The following ATN1 variants were observed in gnomAD, a reference collection of about 807,000 sequenced individuals.
The protein encoded by ATN1 is atrophin 1, also known as atrophin-1.
A neutral mutation model predicts 85.8 loss-of-function variants in ATN1; 19 were observed. That is an observed-to-expected ratio of 0.22 (90% CI 0.15 to 0.32). The LOEUF (loss-of-function observed/expected upper bound fraction) is 0.32. Among genes scored for constraint, ATN1 ranks in the 10% least tolerant of loss-of-function variants. ATN1 has a pLI of 1.00. For synonymous variants in ATN1, 674 were observed against 657.0 expected (o/e 1.03, Z -0.39); for missense variants, 1,453 against 1,564.5 (o/e 0.93, Z 1.20).
At chr12:6,928,718 T>A (rs1173539273) in intron 1 of ATN1, among the ~76,000 whole-genome samples, 2 of 151,736 alleles carry the variant, frequency 1.3e-5, no homozygotes, top group Admixed American at 1.3e-4. Flanking sequence ...GAGGCCGGGG[T>A]TGGCGGAGGA....
chr12:6,936,027 C>A lies in ATN1; in HGVS notation c.760C>A (p.Pro254Thr). 6.3e-7 allele frequency: 1 copy of A among 1,580,924 alleles called. No homozygotes were observed. The stretch of plus-strand genomic sequence containing the variant: ...GGGCCCTAATGGGGGTAAGCAGCAC[C>A]CCCCACCCACTACTCCCATTTCAGT... ...VGGPNGGKQH[P>T]PPTTPISVSS... is the part of the protein sequence containing the mutation. The change falls in exon 5 of 10, where the codon CCC becomes ACC. Residue 254 changes from proline to threonine, a missense_variant. Coordinates refer to ENST00000396684, the MANE Select transcript of ATN1 (RefSeq NM_001940.4).
upstream of ATN1, among the ~76,000 whole-genome samples, chr12:6,925,547 C>T (rs1049431556): frequency 1.4e-4 from 22 of 152,102 alleles, no homozygotes; most frequent in African/African-American, 4.8e-4. Flanking sequence ...CTGGCCTGGT[C>T]TCAGGGAGGC....
In ATN1 at chr12:6,938,684, C is replaced by T; in HGVS notation, c.2721C>T (p.Pro907=). 6.2e-7 allele frequency: 1 copy of T among 1,614,170 alleles called. No individual in the cohort carries two copies. Among genetic ancestry groups the T allele is most frequent in the South Asian group, 1.1e-5 (1 of 91,086 alleles). Residue 907 remains proline, a synonymous_variant, in exon 7 of 10, where the codon CCC becomes CCT. Coordinates refer to ENST00000396684, the MANE Select transcript of ATN1 (RefSeq NM_001940.4). ...PGNRNHPFYV[P]LGAVDPGLLG... ...ATCGCAACCATCCATTCTACGTGCC[C>T]CTGGGGGCAGTGGACCCGGGGCTCC...
At chr12:6,938,434 CT>C (rs1214882985) in intron 6 of ATN1, 46 bp from the exon 7 acceptor site, 1 of 1,552,988 alleles carries the variant, frequency 6.4e-7, no homozygotes, top group Non-Finnish European at 8.7e-7. Flanking sequence ...CCAGCCACCT[CT>C]TTTCATAACT....
At chr12:6,932,752 G>T (rs1555143171) in intron 1 of ATN1, among the ~76,000 whole-genome samples, 2 of 152,168 alleles carry the variant, frequency 1.3e-5, no homozygotes, top group Non-Finnish European at 1.5e-5. Context: ...CTAGAGAATG[G>T]GTCCTTTATG....
chr12:6,926,094 C>T (rs782313166), upstream of ATN1, among the ~76,000 whole-genome samples: 9 of 152,084 alleles, frequency 5.9e-5, no homozygotes, highest in East Asian at 1.9e-4. Context: ...GCTGGCTTCA[C>T]GGCCGGGAGC....
At position 6,934,693 on chromosome 12, in the gene ATN1, C is replaced by T. The variant is rs141504678; in HGVS notation, c.279+115C>T. The stretch of plus-strand genomic sequence containing the variant: ...CTGGGACATAAGAGAAAGGCCAGAT[C>T]ATAGTGCTTATGAGAGCAGTTCTGT... On this transcript the variant is annotated intron_variant, in intron 4 of 9. Transcript: ENST00000396684. The surrounding 1 kb of genome is among the most constrained non-coding windows in gnomAD (Gnocchi z 4.5). 6.1e-4 allele frequency: 471 copies of T among 769,100 alleles called. 4 individuals are homozygous for T. The East Asian group carries it at 0.013, about 21-fold the overall frequency. 47.6% of individuals were successfully genotyped at this position (769,100 alleles called of 1,614,324 possible).
intron 6 of ATN1, 80 bp from the exon 7 acceptor site, chr12:6,938,401 C>T: frequency 6.8e-7 from 1 of 1,477,238 alleles, no homozygotes; most frequent in Non-Finnish European, 9.0e-7. Flanking sequence ...ATTCGGCTGT[C>T]GAAACAAATG....
chr12:6,929,240 C>T (rs1555142866), intron 1 of ATN1, among the ~76,000 whole-genome samples: 1 of 152,108 alleles, frequency 6.6e-6, no homozygotes, highest in African/African-American at 2.4e-5. Flanking sequence ...ACAGGCACTC[C>T]AGGCAAGTTG....
rs782524107 is a variant in ATN1, at chr12:6,936,417, G to A, written c.1150G>A (p.Ala384Thr). Residue 384 changes from alanine to threonine, a missense_variant, in exon 5 of 10, where the codon GCA becomes ACA. By Grantham distance (58) the Ala-to-Thr change is moderately conservative (BLOSUM62 0). This residue lies in a region of ATN1 where 990 missense variants were observed against 914.8 expected (regional missense o/e 1.08). Transcript: ENST00000396684. Reference protein sequence around the residue: ...PYSSSSSSSAAASSSSSSSSS... With the variant: ...PYSSSSSSSATASSSSSSSSS... Reference sequence around the variant, plus strand: ...TTCATCCTCTAGTAGTAGCTCTGCAGCAGCCTCCTCTTCCAGTTCTTCCTC... The same window carrying A: ...TTCATCCTCTAGTAGTAGCTCTGCAACAGCCTCCTCTTCCAGTTCTTCCTC... The A allele has an allele frequency of 6.2e-6, 10 of 1,612,926 alleles. No homozygotes were observed. Among genetic ancestry groups the A allele is most frequent in the Non-Finnish European group, 8.5e-6 (10 of 1,179,856 alleles).
In ATN1 at chr12:6,927,980, C is replaced by G. The variant is rs868915081; in HGVS notation, c.-567C>G. On this transcript the variant is annotated 5_prime_UTR_variant, in exon 1 of 10. Coordinates refer to ENST00000396684, the MANE Select transcript of ATN1 (RefSeq NM_001940.4). Reference sequence around the variant, plus strand: ...CCGCGGGCGAGGCGGCCGAGGGGCCCGGGATCGCGCGGGTGCGGGCTGCGC... The same window carrying G: ...CCGCGGGCGAGGCGGCCGAGGGGCCGGGGATCGCGCGGGTGCGGGCTGCGC... Among the ~76,000 whole-genome samples the G allele has an allele frequency of 6.9e-6, 1 of 145,074 alleles. No individual in the cohort carries two copies. The highest frequency in any genetic ancestry group is 2.5e-5 in the African/African-American group (1 of 39,884).
rs1219695611 is a variant in ATN1, at chr12:6,941,644, G to A, written c.3539+90G>A. 4 of 1,594,514 alleles carry A rather than the reference G, an allele frequency of 2.5e-6. No individual in the cohort carries two copies. The highest frequency in any genetic ancestry group is 3.4e-6 in the Non-Finnish European group (4 of 1,163,178). Reference sequence around the variant, plus strand: ...GGTACGGCTGGGCACCGTGCTCCTGGGGGAGGGAACCCCTCCTCTCCCAAC... The same window carrying A: ...GGTACGGCTGGGCACCGTGCTCCTGAGGGAGGGAACCCCTCCTCTCCCAAC... On this transcript the variant is annotated intron_variant, in intron 9 of 9. Transcript: ENST00000396684. The surrounding 1 kb of genome is among the most constrained non-coding windows in gnomAD (Gnocchi z 5.9).
At chr12:6,938,142 G>T (rs1445373952) in intron 6 of ATN1, 75 bp downstream of exon 6, 1 of 1,466,048 alleles carries the variant, frequency 6.8e-7, no homozygotes, top group Non-Finnish European at 9.0e-7. Flanking sequence ...GCTGCGCTAC[G>T]CTACGCTGCG....
upstream of ATN1, among the ~76,000 whole-genome samples, chr12:6,925,974 T>G (rs1945395260): frequency 6.6e-6 from 1 of 152,140 alleles, no homozygotes; most frequent in Admixed American, 6.5e-5. Context: ...GCCTTCCCAA[T>G]TTCTGCTGCC....
rs1945576749 is a variant in ATN1 at position 6,938,048 on chromosome 12, G to A, written c.2498G>A (p.Arg833His). The A allele has an allele frequency of 1.3e-6, 2 of 1,546,066 alleles. No homozygotes were observed. The highest frequency in any genetic ancestry group is 2.0e-5 in the Admixed American group (1 of 50,648). Residue 833 changes from arginine (R) to histidine (H), a missense_variant, in exon 6 of 10, where the codon CGC becomes CAC. Arg to His is a conservative substitution (Grantham distance 29, BLOSUM62 0). Transcript: ENST00000396684. The stretch of plus-strand genomic sequence containing the variant: ...AAAGAGCGCGAGCGCGAGAAGGAGC[G>A]CGAGCTTGAACGCAGCGTGGTGAGT... ...REKEREREKE[R>H]ELERSVKLAQ...
Position 6,937,582 on chromosome 12 carries a change from G to C in ATN1, c.2294+21G>C, listed in dbSNP as rs12426246. 220,930 of 1,474,224 alleles carry C rather than the reference G, an allele frequency of 0.15. 18,357 individuals are homozygous for C. Among genetic ancestry groups the C allele is most frequent in the Admixed American group, 0.31 (11,797 of 38,044 alleles). The allele number at this position is 1,474,224 out of a possible 1,614,324, so 91.3% of individuals were successfully genotyped here. On this transcript the variant is annotated intron_variant, in intron 5 of 9. Transcript: ENST00000396684. This position sits in a 1 kb window ranked among gnomAD's most constrained non-coding sequence, Gnocchi z 6.0. ...GCCAGGTGAGCGGCCAGGTGGGGCG[G>C]AGGTGGGCCTGGAAAGGGGACGACG...
Position 6,938,526 on chromosome 12 carries a change from G to A in ATN1, c.2563G>A (p.Gly855Ser), listed in dbSNP as rs1434293517. ...TGCTCCGGTGGAATGCCCATCTCTG[G>A]GCCCAGTGCCCCATCGCCCTCCATT... is the stretch of plus-strand genomic sequence containing the variant. ...GRAPVECPSL[G>S]PVPHRPPFEP... The change falls in exon 7 of 10, where the codon GGC becomes AGC. Residue 855 changes from glycine to serine, a missense_variant. By Grantham distance (56) the Gly-to-Ser change is moderately conservative. Around this residue, in one of 6 missense-constraint regions of ATN1, gnomAD observed 208 missense variants for 263.4 expected, o/e 0.79. Coordinates refer to ENST00000396684, the MANE Select transcript of ATN1 (RefSeq NM_001940.4). 6.2e-7 allele frequency: 1 copy of A among 1,613,564 alleles called. No homozygotes were observed. The highest frequency in any genetic ancestry group is 8.5e-7 in the Non-Finnish European group (1 of 1,179,616).
chr12:6,934,280 T>C lies in ATN1; in HGVS notation c.132T>C (p.Asp44=), dbSNP rs1945502736. The C allele has an allele frequency of 1.9e-6, 3 of 1,574,302 alleles. No homozygotes were observed. Among genetic ancestry groups the C allele is most frequent in the African/African-American group, 2.8e-5 (2 of 72,284 alleles). The change falls in exon 3 of 10, where the codon GAT becomes GAC. Residue 44 remains aspartate (D), a synonymous_variant. Transcript: ENST00000396684. The surrounding 1 kb of genome is among the most constrained non-coding windows in gnomAD (Gnocchi z 4.5). The stretch of plus-strand genomic sequence containing the variant: ...GAGGGGTCAGCACGTCCAGCAGTGA[T>C]GGCAAAGCTGAGAAGTCCAGGCAGA... ...SPGGVSTSSS[D]GKAEKSRQTA...
In ATN1 at chr12:6,936,992, C is replaced by T. The variant is rs1555143856; in HGVS notation, c.1725C>T (p.Ser575=). Reference sequence around the variant, plus strand: ...CAGTCTCTTCCTCTTCCAACTCTTCCTCTTCCACTTCTCAAGGGTCCTACC... The same window carrying T: ...CAGTCTCTTCCTCTTCCAACTCTTCTTCTTCCACTTCTCAAGGGTCCTACC... ...GPPVSSSSNS[S]SSTSQGSYPC... is the part of the protein sequence containing the mutation. Residue 575 remains serine, a synonymous_variant, in exon 5 of 10, where the codon TCC becomes TCT. Coordinates refer to ENST00000396684, the MANE Select transcript of ATN1 (RefSeq NM_001940.4). The T allele has an allele frequency of 1.9e-6, 3 of 1,613,648 alleles. No homozygotes were observed. Among genetic ancestry groups the T allele is most frequent in the Non-Finnish European group, 2.5e-6 (3 of 1,179,686 alleles).
Sources: gnomAD v4.1 joint callset for allele counts (sites outside exome capture counted in the v4.1 genomes callset) on GRCh38, gnomAD v4.1.1 for gene constraint, gnomAD v4.1.1 regional missense constraint, Gnocchi (gnomAD v3.1) non-coding constraint, MANE v1.5 for transcripts, NCBI Gene and HGNC (gene_info 2026-07-23, HGNC 2026-07-21) for gene names.